CCDC178: variants seen among roughly 807,000 people sequenced by gnomAD.
CCDC178 encodes coiled-coil domain-containing protein 178.
A neutral mutation model predicts 117.4 loss-of-function variants in CCDC178; 126 were observed. The ratio of observed to expected loss-of-function variants is 1.07; its 90% CI spans 0.93 to 1.24. The LOEUF (loss-of-function observed/expected upper bound fraction) is 1.24. CCDC178 is among the 50% of genes most tolerant of loss of function. The pLI is 0.00. For synonymous variants in CCDC178, 283 were observed against 313.4 expected (o/e 0.90, Z 1.02); for missense variants, 1,030 against 986.9 (o/e 1.04, Z -0.59).
chr18:33,433,633 G>A (rs2064249441), intron 2 of CCDC178, among the ~76,000 whole-genome samples: 1 of 152,108 alleles, frequency 6.6e-6, no homozygotes, highest in Non-Finnish European at 1.5e-5. Flanking sequence ...AGTGAAGTTT[G>A]AACAATGTGG....
chr18:32,974,486 C>T (rs1215990598), intron 22 of CCDC178, 61 bp downstream of exon 22: 6 of 1,475,864 alleles, frequency 4.1e-6, no homozygotes, highest in Non-Finnish European at 5.7e-6. Context: ...ATCACACTAC[C>T]CATCATTTGC....
chr18:33,364,264 T>A (rs927816372), intron 6 of CCDC178, among the ~76,000 whole-genome samples: 42 of 152,100 alleles, frequency 2.8e-4, no homozygotes, highest in African/African-American at 9.7e-4. Context: ...TATATGTACG[T>A]ATGTGCATGT....
At chr18:33,221,726 T>A (rs1279301274) in intron 18 of CCDC178, among the ~76,000 whole-genome samples, 1 of 152,126 alleles carries the variant, frequency 6.6e-6, no homozygotes, top group Admixed American at 6.6e-5. Context: ...CCAGTGAAGG[T>A]CTTTTCCCTG....
intron 20 of CCDC178, among the ~76,000 whole-genome samples, chr18:33,206,500 T>C (rs1053298240): frequency 2.6e-5 from 4 of 151,944 alleles, no homozygotes; most frequent in African/African-American, 7.2e-5. Context: ...AAAAGGCTAA[T>C]GCACAAGAAA....
intron 11 of CCDC178, among the ~76,000 whole-genome samples, chr18:33,301,686 G>C (rs938404937): frequency 6.6e-6 from 1 of 152,202 alleles, no homozygotes; most frequent in Non-Finnish European, 1.5e-5. Flanking sequence ...TTGGATTTCA[G>C]ACTTTTATGA....
In CCDC178 at chr18:33,415,755, C is replaced by T. The variant is rs141109381; in HGVS notation, c.-22-3645G>A. On this transcript the variant is annotated intron_variant, in intron 2 of 22. Coordinates refer to ENST00000383096, the MANE Select transcript of CCDC178 (RefSeq NM_001105528.4). ...GCAAGCATAAATTCAACACTCCTGA[C>T]CTCTACTTTTGGGAAGATGGAATAG... is the stretch of plus-strand genomic sequence containing the variant. Among the ~76,000 whole-genome samples, 197 of 152,164 alleles carry T rather than the reference C, an allele frequency of 1.3e-3. 1 individual carries two copies. The highest frequency in any genetic ancestry group is 4.4e-3 in the African/African-American group (184 of 41,528).
intron 22 of CCDC178, among the ~76,000 whole-genome samples, chr18:32,952,735 A>C (rs1337711994): frequency 8.0e-6 from 1 of 124,616 alleles, no homozygotes; most frequent in Non-Finnish European, 1.7e-5. Flanking sequence ...ATGTGTTTTT[A>C]TTTTCTACCA....
chr18:33,427,610 T>A (rs1249717801), intron 2 of CCDC178, among the ~76,000 whole-genome samples: 1 of 152,174 alleles, frequency 6.6e-6, no homozygotes, highest in Non-Finnish European at 1.5e-5. Context: ...TTAAGATGCT[T>A]TAAATATTAC....
intron 20 of CCDC178, among the ~76,000 whole-genome samples, chr18:33,203,099 C>G (rs543977920): frequency 3.9e-4 from 60 of 152,230 alleles, no homozygotes; most frequent in Admixed American, 1.6e-3. Flanking sequence ...ATAATTTCCT[C>G]TTTTCCTATA....
intron 16 of CCDC178, among the ~76,000 whole-genome samples, chr18:33,225,817 A>T (rs918101702): frequency 6.6e-6 from 1 of 152,216 alleles, no homozygotes; most frequent in African/African-American, 2.4e-5. Flanking sequence ...GAAAAAAATT[A>T]CAAAATTTAG....
At chr18:33,070,383 G>T (rs752274910) in intron 21 of CCDC178, among the ~76,000 whole-genome samples, 1 of 152,010 alleles carries the variant, frequency 6.6e-6, no homozygotes, top group Non-Finnish European at 1.5e-5. Flanking sequence ...GAATGAAACC[G>T]GAGGTCATTA....
intron 21 of CCDC178, among the ~76,000 whole-genome samples, chr18:33,049,170 C>G (rs951564563): frequency 3.3e-5 from 5 of 151,870 alleles, no homozygotes; most frequent in Non-Finnish European, 5.9e-5. Context: ...TTTTTCATAG[C>G]CTCACAATAA....
intron 21 of CCDC178, among the ~76,000 whole-genome samples, chr18:32,978,348 C>T (rs1400548619): frequency 1.3e-5 from 2 of 150,678 alleles, no homozygotes; most frequent in African/African-American, 4.9e-5. Context: ...CACACAAACA[C>T]ATTTGCACAC....
chr18:33,193,044 G>C (rs921298631), intron 20 of CCDC178, among the ~76,000 whole-genome samples: 3 of 151,512 alleles, frequency 2.0e-5, no homozygotes, highest in Non-Finnish European at 4.4e-5. Context: ...CGGATCACGA[G>C]GTCAGGAGAT....
chr18:33,309,947 A>C (rs1453135732), intron 11 of CCDC178, among the ~76,000 whole-genome samples: 53 of 8,700 alleles, frequency 6.1e-3, no homozygotes, highest in African/African-American at 0.011. Context: ...TCTTTTATTT[A>C]TTTATTTATT....
chr18:33,337,379 C>A (rs991893195), intron 9 of CCDC178, among the ~76,000 whole-genome samples: 2 of 151,978 alleles, frequency 1.3e-5, no homozygotes, highest in Non-Finnish European at 2.9e-5. Context: ...TCCTCTTTAC[C>A]CATCTGGATA....
At chr18:33,186,007 C>T (rs866175682) in intron 20 of CCDC178, among the ~76,000 whole-genome samples, 2 of 152,062 alleles carry the variant, frequency 1.3e-5, no homozygotes, top group African/African-American at 2.4e-5. Flanking sequence ...CATCTTTCAT[C>T]TGCCTTAATG....
chr18:33,069,460 A>G (rs565087219), intron 21 of CCDC178, among the ~76,000 whole-genome samples: 1 of 152,238 alleles, frequency 6.6e-6, no homozygotes, highest in Non-Finnish European at 1.5e-5. Context: ...GTGCTGGGAA[A>G]CTAGACTTCT....
chr18:33,058,713 G>C (rs935555426), intron 21 of CCDC178, among the ~76,000 whole-genome samples: 1 of 152,114 alleles, frequency 6.6e-6, no homozygotes, highest in African/African-American at 2.4e-5. Flanking sequence ...TGAATTGATG[G>C]TTTACGTACA....
Sources: gnomAD v4.1 joint callset for allele counts (sites outside exome capture counted in the v4.1 genomes callset) on GRCh38, gnomAD v4.1.1 for gene constraint, MANE v1.5 for transcripts, NCBI Gene and HGNC (gene_info 2026-07-23, HGNC 2026-07-21) for gene names.